Variants in HOGA1 observed in about 807,000 individuals in gnomAD.
HOGA1 encodes the protein 4-hydroxy-2-oxoglutarate aldolase, mitochondrial.
Under a neutral mutation model 34.3 loss-of-function variants are expected in HOGA1, and 30 were observed. The observed-to-expected ratio is 0.87, with a 90% CI of 0.65 to 1.19. The LOEUF (loss-of-function observed/expected upper bound fraction) is 1.19. Among genes scored for constraint, HOGA1 ranks in the 50% most tolerant of loss-of-function variants. The pLI, the probability that HOGA1 is intolerant of heterozygous loss-of-function variation, is 0.00. For missense variants in HOGA1, 417 were observed against 436.5 expected (o/e 0.96, Z 0.40); for synonymous variants, 161 against 174.0 (o/e 0.93, Z 0.59).
intron 1 of HOGA1, 43 bp from the exon 2 acceptor site, chr10:97,598,732 C>A (rs372733263): frequency 1.2e-6 from 2 of 1,613,194 alleles, no homozygotes; most frequent in African/African-American, 1.3e-5. Flanking sequence ...CCTAGTTGTT[C>A]GGTAGAGGAT....
intron 6 of HOGA1, among the ~76,000 whole-genome samples, chr10:97,611,080 T>C (rs1159061931): frequency 3.3e-5 from 5 of 152,164 alleles, no homozygotes; most frequent in African/African-American, 1.2e-4. Flanking sequence ...GTCTGGGCTG[T>C]GCCTGAGACT....
chr10:97,598,623 T>C, intron 1 of HOGA1, 152 bp from the exon 2 acceptor site: 1 of 1,012,156 alleles, frequency 9.9e-7, no homozygotes. Context: ...AGAAAAATGA[T>C]GTGAACAGTC....
At chr10:97,597,444 G>A (rs986612132) in intron 1 of HOGA1, among the ~76,000 whole-genome samples, 3 of 151,996 alleles carry the variant, frequency 2.0e-5, no homozygotes, top group Non-Finnish European at 4.4e-5. Context: ...GAAAGAGAAA[G>A]TTAAGCGGGC....
rs2040954893 is a variant in HOGA1 at position 97,584,848 on chromosome 10, A to T, written c.145A>T (p.Thr49Ser). The part of the protein sequence containing the change: ...YPPVTTPFTA[T>S]AEVDYGKLEE... ...CCCTGTGACCACCCCCTTCACTGCCACTGCAGAGGTGGACTATGGGAAACT... is the reference window on the plus strand; with the variant it reads ...CCCTGTGACCACCCCCTTCACTGCCTCTGCAGAGGTGGACTATGGGAAACT... Residue 49 changes from threonine (T) to serine (S), a missense_variant, in exon 1 of 7, where the codon ACT (threonine) becomes TCT (serine). By Grantham distance (58) the Thr-to-Ser change is moderately conservative. Coordinates refer to ENST00000370646, the MANE Select transcript of HOGA1 (RefSeq NM_138413.4). The T allele has an allele frequency of 6.2e-7, 1 of 1,613,936 alleles. No homozygotes were observed. The highest frequency in any genetic ancestry group is 1.3e-5 in the African/African-American group (1 of 74,920).
In HOGA1 at chr10:97,586,506, G is replaced by A. The variant is rs115899433; in HGVS notation, c.211+1592G>A. Reference sequence around the variant, plus strand: ...CACGTTGAGCAGGGCACAACTGTTAGGTTTCTGCTGGTGCTTGGCTCGTGG... The same window carrying A: ...CACGTTGAGCAGGGCACAACTGTTAAGTTTCTGCTGGTGCTTGGCTCGTGG... On this transcript the variant is annotated intron_variant, in intron 1 of 6. Transcript: ENST00000370646. 1.1e-3 allele frequency among the ~76,000 whole-genome samples: 163 copies of A among 152,338 alleles called. 1 individual carries two copies. The highest frequency in any genetic ancestry group is 3.8e-3 in the African/African-American group (160 of 41,566).
At chr10:97,599,937 C>G (rs765762956) in intron 4 of HOGA1, 123 bp downstream of exon 4, 2 of 1,522,770 alleles carry the variant, frequency 1.3e-6, no homozygotes, top group Non-Finnish European at 1.8e-6. Flanking sequence ...TTCTCTCTGT[C>G]GTGCGGGCTC....
At chr10:97,600,277 C>A in intron 5 of HOGA1, 114 bp downstream of exon 5, 1 of 881,998 alleles carries the variant, frequency 1.1e-6, no homozygotes, top group Non-Finnish European at 1.9e-6. Context: ...GGTAGTTTGC[C>A]AGCCTGCCCA....
In HOGA1 at chr10:97,606,225, C is replaced by T. The variant is rs563375510; in HGVS notation, c.834+4235C>T. On this transcript the variant is annotated intron_variant, in intron 6 of 6. Transcript: ENST00000370646. ...CTGAGGCAGGAGAATCGCTTGAACTCGGAGGGCAGAGGTTGCAGTGAGCCG... is the reference window on the plus strand; with the variant it reads ...CTGAGGCAGGAGAATCGCTTGAACTTGGAGGGCAGAGGTTGCAGTGAGCCG... Among the ~76,000 whole-genome samples the T allele has an allele frequency of 5.3e-4, 80 of 149,942 alleles. No individual in the cohort carries two copies. The East Asian group carries it at 0.013, about 24-fold the overall frequency.
At chr10:97,608,119 G>A (rs1016100775) in intron 6 of HOGA1, among the ~76,000 whole-genome samples, 2 of 152,044 alleles carry the variant, frequency 1.3e-5, no homozygotes, top group African/African-American at 2.4e-5. Context: ...AGCCCAGCCT[G>A]GGCAATAGAG....
rs182408846 is a variant in HOGA1 at position 97,608,955 on chromosome 10, T to C, written c.835-2555T>C. ...TCCACAATATTTTGTTTGGGTAAAGTGATGGGTGGGCTCTAGAGCTCCCTC... is the reference window on the plus strand; with the variant it reads ...TCCACAATATTTTGTTTGGGTAAAGCGATGGGTGGGCTCTAGAGCTCCCTC... On this transcript the variant is annotated intron_variant, in intron 6 of 6. Coordinates refer to ENST00000370646, the MANE Select transcript of HOGA1 (RefSeq NM_138413.4). 3.0e-3 allele frequency among the ~76,000 whole-genome samples: 463 copies of C among 152,184 alleles called. 2 individuals carry two copies. The highest frequency in any genetic ancestry group is 0.011 in the African/African-American group (439 of 41,510).
chr10:97,608,552 C>T (rs1217656286), intron 6 of HOGA1, among the ~76,000 whole-genome samples: 2 of 152,218 alleles, frequency 1.3e-5, no homozygotes. Flanking sequence ...CGCCTGTAAT[C>T]CCAGCACTTT....
chr10:97,598,902 G>C lies in HOGA1; in HGVS notation c.339G>C (p.Glu113Asp), dbSNP rs1214845858. ...TCCTGCTAGCTGGCTCCGGATGCGAGTGTGAGCCAGAATGCCCTGGGCCCT... is the reference window on the plus strand; with the variant it reads ...TCCTGCTAGCTGGCTCCGGATGCGACTGTGAGCCAGAATGCCCTGGGCCCT... ...NRLLLAGSGC[E>D]STQATVEMTV... is the part of the protein sequence containing the mutation. The change falls in exon 2 of 7, where the codon GAG becomes GAC. Residue 113 changes from glutamate to aspartate, a missense_variant and splice_region_variant. By Grantham distance (45) the Glu-to-Asp change is conservative. Coordinates refer to ENST00000370646, the MANE Select transcript of HOGA1 (RefSeq NM_138413.4). 3 of 1,613,910 alleles carry C rather than the reference G, an allele frequency of 1.9e-6. 1 individual carries two copies. In the Admixed American group the frequency reaches 5.0e-5, roughly 27 times the overall value.
At chr10:97,607,468 T>C (rs184695521) in intron 6 of HOGA1, among the ~76,000 whole-genome samples, 2 of 152,326 alleles carry the variant, frequency 1.3e-5, no homozygotes, top group Admixed American at 1.3e-4. Flanking sequence ...GTCCTCTGGC[T>C]AGAGAGAACT....
intron 5 of HOGA1, 21 bp from the exon 6 acceptor site, chr10:97,601,836 T>A (rs1435774081): frequency 1.2e-6 from 2 of 1,611,682 alleles, no homozygotes; most frequent in Non-Finnish European, 1.7e-6. Context: ...TGGCTGATGT[T>A]CTGCGTCTTA....
intron 1 of HOGA1, chr10:97,590,577 A>G: frequency 6.2e-7 from 1 of 1,605,292 alleles, no homozygotes; most frequent in Non-Finnish European, 8.5e-7. Flanking sequence ...TAGATCTGTG[A>G]CTTCTTGGAA....
intron 6 of HOGA1, 163 bp downstream of exon 6, chr10:97,602,153 A>C: frequency 1.3e-6 from 2 of 1,549,294 alleles, no homozygotes; most frequent in South Asian, 2.4e-5. Context: ...ACTCCCAGAA[A>C]ATCCTGACTT....
chr10:97,593,365 T>A (rs1265617681), intron 1 of HOGA1, among the ~76,000 whole-genome samples: 7 of 151,950 alleles, frequency 4.6e-5, no homozygotes, highest in Non-Finnish European at 1.0e-4. Flanking sequence ...TAATCTCAGC[T>A]ACTCGGGAGG....
intron 6 of HOGA1, among the ~76,000 whole-genome samples, chr10:97,609,103 G>A (rs1241625535): frequency 6.6e-6 from 1 of 152,158 alleles, no homozygotes; most frequent in East Asian, 1.9e-4. Context: ...TCTATAAATA[G>A]GTTATAAGAA....
intron 1 of HOGA1, among the ~76,000 whole-genome samples, chr10:97,593,942 C>T (rs547350817): frequency 6.6e-6 from 1 of 152,232 alleles, no homozygotes; most frequent in East Asian, 1.9e-4. Context: ...GACCTCGGCT[C>T]ACTGTAACCT....
Sources: gnomAD v4.1 joint callset for allele counts (sites outside exome capture counted in the v4.1 genomes callset) on GRCh38, gnomAD v4.1.1 for gene constraint, MANE v1.5 for transcripts, NCBI Gene and HGNC (gene_info 2026-07-23, HGNC 2026-07-21) for gene names.